SH3RF1: variants seen among roughly 807,000 people sequenced by gnomAD.
The protein encoded by SH3RF1 is E3 ubiquitin-protein ligase SH3RF1.
In SH3RF1, 32 loss-of-function variants were observed where a neutral mutation model predicts 74.0. That is an observed-to-expected ratio of 0.43 (90% CI 0.33 to 0.58). The LOEUF (loss-of-function observed/expected upper bound fraction) is 0.58, where lower values mean the gene tolerates loss of function less well. SH3RF1 is among the 20% of genes least tolerant of loss of function. The pLI is 0.05. For synonymous variants in SH3RF1, 396 were observed against 439.6 expected, an observed-to-expected ratio of 0.90 and a Z score of 1.24; for missense variants, 954 against 1,130.9, an observed-to-expected ratio of 0.84 and a Z score of 2.24.
intron 2 of SH3RF1, among the ~76,000 whole-genome samples, chr4:169,181,257 C>CTTTTTTTTT (rs397878328): frequency 1.9e-5 from 2 of 103,390 alleles, no homozygotes; most frequent in African/African-American, 4.1e-5. Flanking sequence ...TTGGGAAAGC[C>CTTTTTTTTT]TTTTTTTTTT....
intron 2 of SH3RF1, among the ~76,000 whole-genome samples, chr4:169,199,151 T>A (rs73863681): frequency 0.012 from 1,797 of 152,328 alleles, 21 homozygotes; most frequent in African/African-American, 0.041. Context: ...CAACTGGAGT[T>A]GTATTTGAAG....
intron 5 of SH3RF1, 112 bp downstream of exon 5, chr4:169,136,206 A>C: frequency 3.5e-6 from 4 of 1,138,404 alleles, no homozygotes; most frequent in African/African-American, 1.6e-5. Flanking sequence ...AAAAGTTACT[A>C]TCTTCAGAAG....
At chr4:169,134,629 C>T (rs1733666763) in intron 5 of SH3RF1, among the ~76,000 whole-genome samples, 2 of 152,144 alleles carry the variant, frequency 1.3e-5, no homozygotes, top group Non-Finnish European at 2.9e-5. Context: ...CCTTCAGAAC[C>T]TTACTCAAAA....
At chr4:169,258,066 G>A (rs906951710) in intron 2 of SH3RF1, among the ~76,000 whole-genome samples, 3 of 152,090 alleles carry the variant, frequency 2.0e-5, no homozygotes, top group Non-Finnish European at 4.4e-5. Flanking sequence ...CTTTTGCTAC[G>A]GTAATTACTT....
At chr4:169,111,034 G>A (rs1014524896) in intron 10 of SH3RF1, among the ~76,000 whole-genome samples, 3 of 151,690 alleles carry the variant, frequency 2.0e-5, no homozygotes, top group Non-Finnish European at 4.4e-5. Flanking sequence ...CAGACCAGGC[G>A]CAGTGGCTCA....
chr4:169,167,949 C>G (rs1734273383), intron 2 of SH3RF1, among the ~76,000 whole-genome samples: 1 of 152,032 alleles, frequency 6.6e-6, no homozygotes, highest in African/African-American at 2.4e-5. Context: ...TCAGCCTAGA[C>G]AAAATAGTGA....
chr4:169,115,030 T>G (rs1246117817), intron 10 of SH3RF1, among the ~76,000 whole-genome samples: 2 of 152,198 alleles, frequency 1.3e-5, no homozygotes, highest in African/African-American at 4.8e-5. Flanking sequence ...CTTCTTTTTC[T>G]TTTTACATTT....
chr4:169,240,469 A>T (rs1187676197), intron 2 of SH3RF1, among the ~76,000 whole-genome samples: 10 of 152,130 alleles, frequency 6.6e-5, no homozygotes, highest in Non-Finnish European at 1.5e-4. Flanking sequence ...AAGCTCTGGG[A>T]TTACAGAGCG....
intron 2 of SH3RF1, among the ~76,000 whole-genome samples, chr4:169,230,880 C>T (rs1730727113): frequency 6.7e-6 from 1 of 148,528 alleles, no homozygotes; most frequent in Admixed American, 6.7e-5. Flanking sequence ...AAAAAAATTA[C>T]TGAGTCCCCC....
At chr4:169,185,868 C>T (rs1480236007) in intron 2 of SH3RF1, among the ~76,000 whole-genome samples, 2 of 152,192 alleles carry the variant, frequency 1.3e-5, no homozygotes, top group Non-Finnish European at 2.9e-5. Context: ...GAGAACTACA[C>T]AGCGTAATCA....
chr4:169,189,510 A>C (rs1357448629), intron 2 of SH3RF1, among the ~76,000 whole-genome samples: 2 of 152,208 alleles, frequency 1.3e-5, no homozygotes, highest in African/African-American at 4.8e-5. Flanking sequence ...AAGCAGGTAC[A>C]CTGTTGCTTT....
At chr4:169,240,801 C>T (rs1484709105) in intron 2 of SH3RF1, among the ~76,000 whole-genome samples, 1 of 152,178 alleles carries the variant, frequency 6.6e-6, no homozygotes, top group Non-Finnish European at 1.5e-5. Context: ...CTGTTTTATT[C>T]ATTACCATAC....
intron 4 of SH3RF1, among the ~76,000 whole-genome samples, chr4:169,140,273 T>G (rs1733762657): frequency 6.6e-6 from 1 of 152,230 alleles, no homozygotes; most frequent in Non-Finnish European, 1.5e-5. Flanking sequence ...TAGTAGAATT[T>G]TGATAAAATT....
chr4:169,234,330 A>G (rs1181050546), intron 2 of SH3RF1, among the ~76,000 whole-genome samples: 4 of 152,252 alleles, frequency 2.6e-5, no homozygotes, highest in African/African-American at 9.6e-5. Context: ...CCCCCCAAAA[A>G]GAATTATTCA....
At chr4:169,114,538 C>T (rs1733300333) in intron 10 of SH3RF1, among the ~76,000 whole-genome samples, 2 of 152,168 alleles carry the variant, frequency 1.3e-5, no homozygotes, top group South Asian at 4.1e-4. Flanking sequence ...ATCACAAGTA[C>T]CTTTCAAGCC....
intron 2 of SH3RF1, among the ~76,000 whole-genome samples, chr4:169,157,320 C>G (rs1247956466): frequency 6.6e-6 from 1 of 152,174 alleles, no homozygotes; most frequent in Non-Finnish European, 1.5e-5. Flanking sequence ...AGTTTATAAT[C>G]TGTAAGTGTA....
chr4:169,140,602 G>T (rs557782251), intron 4 of SH3RF1, among the ~76,000 whole-genome samples: 9 of 152,062 alleles, frequency 5.9e-5, no homozygotes, highest in Non-Finnish European at 1.0e-4. Flanking sequence ...ATGAAATACT[G>T]ACAAAAATAA....
At chr4:169,148,763 G>A (rs898837246) in intron 4 of SH3RF1, among the ~76,000 whole-genome samples, 3 of 152,068 alleles carry the variant, frequency 2.0e-5, no homozygotes, top group African/African-American at 4.8e-5. Context: ...TGTTGCATAC[G>A]AAAATTAGGG....
intron 2 of SH3RF1, among the ~76,000 whole-genome samples, chr4:169,221,322 T>C (rs959995349): frequency 7.2e-5 from 11 of 152,144 alleles, no homozygotes; most frequent in African/African-American, 2.4e-4. Context: ...AAAAAAAAAA[T>C]AGGTCTCTCC....
Sources: gnomAD v4.1 joint callset for allele counts (sites outside exome capture counted in the v4.1 genomes callset) on GRCh38, gnomAD v4.1.1 for gene constraint, MANE v1.5 for transcripts, NCBI Gene and HGNC (gene_info 2026-07-23, HGNC 2026-07-21) for gene names.